The following C4orf50 variants were observed in gnomAD, a reference collection of about 807,000 sequenced individuals.
The protein encoded by C4orf50 is chromosome 4 open reading frame 50.
Under a neutral mutation model 77.2 loss-of-function variants are expected in C4orf50, and 80 were observed. That is an observed-to-expected ratio of 1.04 (90% CI 0.87 to 1.25). The LOEUF (loss-of-function observed/expected upper bound fraction) is 1.25. Among genes scored for constraint, C4orf50 ranks in the 50% most tolerant of loss-of-function variants. C4orf50 has a pLI of 0.00. For missense variants in C4orf50, 1,257 were observed against 1,152.9 expected (o/e 1.09, Z -1.31); for synonymous variants, 532 against 465.3 (o/e 1.14, Z -1.84).
chr4:5,960,671 C>T (rs1238276198), intron 33 of C4orf50, among the ~76,000 whole-genome samples: 2 of 152,208 alleles, frequency 1.3e-5, no homozygotes, highest in East Asian at 3.8e-4. Flanking sequence ...GAGAGACCCA[C>T]ACAGGTGCTG....
chr4:5,979,150 A>G (rs752260141), intron 29 of C4orf50, among the ~76,000 whole-genome samples: 1 of 152,206 alleles, frequency 6.6e-6, no homozygotes, highest in Non-Finnish European at 1.5e-5. Context: ...GCCATTACCT[A>G]TCACAGTTAA....
intron 25 of C4orf50, among the ~76,000 whole-genome samples, chr4:6,004,027 G>GGTGATGATGGTGATGATGGTGATGGTGA: frequency 3.3e-5 from 1 of 30,750 alleles, no homozygotes; most frequent in Non-Finnish European, 6.6e-5. Flanking sequence ...TGGTGATAAT[G>GGTGATGATGGTGATGATGGTGATGGTGA]TGATAGTGAT....
chr4:6,003,905 TG>T lies in C4orf50; in HGVS notation c.963+4090del, dbSNP rs1454905024. On this transcript the variant is annotated intron_variant, in intron 25 of 33. Transcript: ENST00000531445. ...GGTGATTATGGTGATGATGTGATGG[TG>T]ATGTTGATGATGGTGGTGATGGTGA... Among the ~76,000 whole-genome samples the T allele has an allele frequency of 6.6e-3, 624 of 93,846 alleles. 14 individuals are homozygous for T. The highest frequency in any genetic ancestry group is 8.2e-3 in the Non-Finnish European group (421 of 51,110). The allele number at this position is 93,846 out of a possible 152,430, so 61.6% of individuals were successfully genotyped here.
intron 7 of C4orf50, among the ~76,000 whole-genome samples, chr4:5,928,669 C>G (rs1717630017): frequency 6.6e-6 from 1 of 152,220 alleles, no homozygotes; most frequent in African/African-American, 2.4e-5. Flanking sequence ...CATTCTACTG[C>G]AGATGGCACC....
intron 7 of C4orf50, among the ~76,000 whole-genome samples, chr4:5,949,581 T>G (rs979629906): frequency 6.6e-6 from 1 of 152,220 alleles, no homozygotes; most frequent in Non-Finnish European, 1.5e-5. Context: ...GGAACAGAGT[T>G]TCACTTTGGG....
chr4:5,961,774 G>T (rs2108764346), intron 33 of C4orf50, among the ~76,000 whole-genome samples: 1 of 152,262 alleles, frequency 6.6e-6, no homozygotes, highest in South Asian at 2.1e-4. Flanking sequence ...CTAAAGATTT[G>T]TCAGCCTTTT....
chr4:5,971,686 A>C (rs1219655273), intron 31 of C4orf50, among the ~76,000 whole-genome samples: 2 of 152,228 alleles, frequency 1.3e-5, no homozygotes, highest in Admixed American at 1.3e-4. Context: ...TAACTCAACT[A>C]TAGGGAGAGA....
chr4:5,924,043 A>T (rs1374293147), intron 7 of C4orf50, among the ~76,000 whole-genome samples: 1 of 152,070 alleles, frequency 6.6e-6, no homozygotes, highest in Non-Finnish European at 1.5e-5. Flanking sequence ...GGACTCTGGG[A>T]CCTACACCAG....
intron 7 of C4orf50, chr4:5,903,105 T>A (rs1024514089): frequency 6.6e-6 from 1 of 151,426 alleles, no homozygotes; most frequent in Non-Finnish European, 1.5e-5. Context: ...TTTCAGTGAG[T>A]GGAGGAGAAA....
chr4:5,987,982 AC>A (rs1350568427), intron 28 of C4orf50, among the ~76,000 whole-genome samples: 1 of 152,208 alleles, frequency 6.6e-6, no homozygotes, highest in African/African-American at 2.4e-5. Context: ...CAGAATTAGT[AC>A]TTGGAGCACT....
chr4:5,959,000 C>T lies in C4orf50; in HGVS notation c.*375G>A, dbSNP rs1719121316. 4.7e-6 allele frequency: 1 copy of T among 212,456 alleles called. No homozygotes were observed. The highest frequency in any genetic ancestry group is 9.6e-6 in the Non-Finnish European group (1 of 104,382). 13.2% of individuals were successfully genotyped at this position (212,456 alleles called of 1,614,324 possible). On this transcript the variant is annotated 3_prime_UTR_variant, in exon 34 of 34. Coordinates refer to ENST00000531445, the Ensembl canonical transcript of C4orf50. This position sits in a 1 kb window ranked among gnomAD's most constrained non-coding sequence, Gnocchi z 5.4. ...ATTTCATAGCATCCCTGGCCTCTAC[C>T]CACCAGATGCCAGTAGCAGTGTCCC...
chr4:5,988,503 T>A, exon 28 of C4orf50: 1 of 1,541,646 alleles, frequency 6.5e-7, no homozygotes, highest in Non-Finnish European at 8.7e-7. Context: ...AGACCAGCGA[T>A]GGAGGGGGAG....
chr4:5,976,457 GAAAAAAAAA>G lies in C4orf50; in HGVS notation c.3865-511_3865-503del, dbSNP rs138450804. On this transcript the variant is annotated intron_variant, in intron 29 of 33. Transcript: ENST00000531445. ...GGCGAGAGAGCGAGGCTCTGTCTCG[GAAAAAAAAA>G]AAAAAAAAAAAAAAAAGAATCAGCT... Among the ~76,000 whole-genome samples the G allele has an allele frequency of 5.7e-3, 535 of 93,110 alleles. 4 individuals carry two copies. The highest frequency in any genetic ancestry group is 0.022 in the African/African-American group (500 of 22,502). 61.1% of individuals were successfully genotyped at this position (93,110 alleles called of 152,430 possible). A position where few individuals can be genotyped will look rare whatever the true frequency, so the allele number is the denominator to read the frequency against.
intron 33 of C4orf50, among the ~76,000 whole-genome samples, chr4:5,960,732 G>C (rs987450813): frequency 2.0e-5 from 3 of 152,226 alleles, no homozygotes; most frequent in African/African-American, 7.2e-5. Flanking sequence ...AGCTGGGAAG[G>C]CCTCATGGAG....
At chr4:5,996,172 C>T (rs1205994491) in intron 25 of C4orf50, among the ~76,000 whole-genome samples, 2 of 152,204 alleles carry the variant, frequency 1.3e-5, no homozygotes, top group African/African-American at 2.4e-5. Flanking sequence ...CCTGTCCCAG[C>T]GCGTCCGTGC....
At chr4:5,976,457 GAAAAAA>G (rs138450804) in intron 29 of C4orf50, among the ~76,000 whole-genome samples, 11 of 93,074 alleles carry the variant, frequency 1.2e-4, no homozygotes, top group Non-Finnish European at 1.5e-4. Flanking sequence ...CTCTGTCTCG[GAAAAAA>G]AAAAAAAAAA....
At chr4:5,996,769 C>T (rs955822970) in intron 25 of C4orf50, among the ~76,000 whole-genome samples, 1 of 152,200 alleles carries the variant, frequency 6.6e-6, no homozygotes, top group African/African-American at 2.4e-5. Flanking sequence ...GAGCCTCAAC[C>T]CAAACCTATT....
chr4:5,959,860 G>A (rs773839335), intron 33 of C4orf50, among the ~76,000 whole-genome samples: 20 of 152,186 alleles, frequency 1.3e-4, no homozygotes, highest in Non-Finnish European at 2.6e-4. Context: ...TTGGGGCAGC[G>A]TGAGGCTCCC....
chr4:5,910,709 A>C, intron 7 of C4orf50, among the ~76,000 whole-genome samples: 1 of 152,076 alleles, frequency 6.6e-6, no homozygotes, highest in East Asian at 1.9e-4. Flanking sequence ...AGAATCTTCT[A>C]TGTGTGTAGC....
Sources: allele counts gnomAD v4.1 joint callset (sites outside exome capture counted in the v4.1 genomes callset), GRCh38; gene constraint gnomAD v4.1.1; non-coding constraint Gnocchi (gnomAD v3.1); transcripts MANE v1.5; gene names NCBI Gene and HGNC (gene_info 2026-07-23, HGNC 2026-07-21).